Variants in TMEM59L observed in about 807,000 individuals in gnomAD.
The protein encoded by TMEM59L is transmembrane protein 59 like.
A neutral mutation model predicts 39.6 loss-of-function variants in TMEM59L; 31 were observed. That is an observed-to-expected ratio of 0.78 (90% CI 0.59 to 1.06). The LOEUF (loss-of-function observed/expected upper bound fraction) is 1.06. Among genes scored for constraint, TMEM59L ranks in the 50% least tolerant of loss-of-function variants. TMEM59L has a pLI of 0.00. For missense variants in TMEM59L, 441 were observed against 451.3 expected, an observed-to-expected ratio of 0.98 and a Z score of 0.21; for synonymous variants, 219 against 202.9, an observed-to-expected ratio of 1.08 and a Z score of -0.68.
chr19:18,620,649 A>C lies in TMEM59L; in HGVS notation c.*113A>C. 1 of 1,381,964 alleles carries C rather than the reference A, an allele frequency of 7.2e-7. No individual in the cohort carries two copies. Among genetic ancestry groups the C allele is most frequent in the Non-Finnish European group, 9.5e-7 (1 of 1,053,920 alleles). 85.6% of individuals were successfully genotyped at this position (1,381,964 alleles called of 1,614,324 possible). On this transcript the variant is annotated 3_prime_UTR_variant, in exon 8 of 8. Coordinates refer to ENST00000262817, the MANE Select transcript of TMEM59L (RefSeq NM_012109.3). ...CCAGCCTTGAGCCCCTCCACCCCCAAATCCTTCCTCTCCTCCCAGTCCCAC... is the reference window on the plus strand; with the variant it reads ...CCAGCCTTGAGCCCCTCCACCCCCACATCCTTCCTCTCCTCCCAGTCCCAC...
At chr19:18,617,988 C>T in intron 5 of TMEM59L, 167 bp from the exon 6 acceptor site, 1 of 675,662 alleles carries the variant, frequency 1.5e-6, no homozygotes, top group South Asian at 1.7e-5. Context: ...ATCCATCTCC[C>T]AGGGTTCCAT....
Position 18,618,690 on chromosome 19 carries a change from A to T in TMEM59L, c.900+198A>T, listed in dbSNP as rs867143194. 1.2e-3 allele frequency among the ~76,000 whole-genome samples: 118 copies of T among 100,550 alleles called. 2 individuals carry two copies. Among genetic ancestry groups the T allele is most frequent in the Admixed American group, 5.5e-3 (51 of 9,252 alleles). The allele number at this position is 100,550 out of a possible 152,430, so 66.0% of individuals were successfully genotyped here. On this transcript the variant is annotated intron_variant, in intron 7 of 7. Transcript: ENST00000262817. ...GTGTGTGTGTATATATATATATATAATATATATATATATATTTTTTTTGAG... is the reference window on the plus strand; with the variant it reads ...GTGTGTGTGTATATATATATATATATTATATATATATATATTTTTTTTGAG...
chr19:18,615,440 C>T (rs923979898), intron 3 of TMEM59L, among the ~76,000 whole-genome samples: 6 of 152,328 alleles, frequency 3.9e-5, no homozygotes, highest in East Asian at 3.9e-4. Context: ...AGGAAGAGAA[C>T]GATACCCATT....
intron 3 of TMEM59L, among the ~76,000 whole-genome samples, chr19:18,615,756 C>T (rs944988534): frequency 6.6e-6 from 1 of 152,124 alleles, no homozygotes; most frequent in Non-Finnish European, 1.5e-5. Flanking sequence ...TCCAGGCGTG[C>T]GCCATCATGC....
chr19:18,615,959 G>C lies in TMEM59L; in HGVS notation c.409-16G>C. On this transcript the variant is annotated splice_polypyrimidine_tract_variant and intron_variant, in intron 3 of 7. Coordinates refer to ENST00000262817, the MANE Select transcript of TMEM59L (RefSeq NM_012109.3). ...ATTTCGGTGCCATCTTTGTGTCTTG[G>C]ACCTTTTTTCACCAGAGAAAGGTCC... 4.3e-6 allele frequency: 7 copies of C among 1,611,982 alleles called. No individual in the cohort carries two copies. Among genetic ancestry groups the C allele is most frequent in the Non-Finnish European group, 5.9e-6 (7 of 1,178,712 alleles).
chr19:18,614,144 C>G lies in TMEM59L; in HGVS notation c.357C>G (p.Ala119=). 1.2e-6 allele frequency: 2 copies of G among 1,609,640 alleles called. No homozygotes were observed. Among genetic ancestry groups the G allele is most frequent in the East Asian group, 4.5e-5 (2 of 44,794 alleles). ...EAYVKEAEQQ[A]CSHGCWSQPA... ...ATGTGAAGGAGGCAGAGCAGCAGGC[C>G]TGTAGCCACGGCTGCTGGAGCCAGC... is the stretch of plus-strand genomic sequence containing the variant. The change falls in exon 3 of 8, where the codon GCC becomes GCG. Residue 119 remains alanine, a synonymous_variant. Transcript: ENST00000262817.
intron 3 of TMEM59L, among the ~76,000 whole-genome samples, chr19:18,615,678 G>A (rs2145348529): frequency 6.6e-6 from 1 of 152,274 alleles, no homozygotes; most frequent in Non-Finnish European, 1.5e-5. Flanking sequence ...TGTGATCTTG[G>A]CTCACTGCAA....
chr19:18,614,678 G>A (rs60941598), intron 3 of TMEM59L, among the ~76,000 whole-genome samples: 24,445 of 152,236 alleles, frequency 0.16, 2,795 homozygotes, highest in African/African-American at 0.33. Context: ...TGAGCTGGTG[G>A]TCACTGTCAC....
chr19:18,620,234 G>A (rs924759360), intron 7 of TMEM59L, among the ~76,000 whole-genome samples, 174 bp from the exon 8 acceptor site: 3 of 151,700 alleles, frequency 2.0e-5, no homozygotes, highest in East Asian at 1.9e-4. Flanking sequence ...CCTAGGAGGC[G>A]GAGGTTGCAG....
At chr19:18,617,904 T>G in intron 5 of TMEM59L, 1 of 548,810 alleles carries the variant, frequency 1.8e-6, no homozygotes, top group Non-Finnish European at 3.3e-6. Context: ...CTTTGGTCTA[T>G]CTCTCAGGGT....
At chr19:18,615,509 G>A (rs897483540) in intron 3 of TMEM59L, among the ~76,000 whole-genome samples, 4 of 152,212 alleles carry the variant, frequency 2.6e-5, no homozygotes, top group East Asian at 1.9e-4. Flanking sequence ...CAACTGCCAC[G>A]CTGAGATCTG....
intron 1 of TMEM59L, 60 bp from the exon 2 acceptor site, chr19:18,613,812 C>G: frequency 7.5e-7 from 1 of 1,338,078 alleles, no homozygotes; most frequent in South Asian, 1.2e-5. Flanking sequence ...ATGCTCCGGT[C>G]CCCCCACCCT....
intron 3 of TMEM59L, among the ~76,000 whole-genome samples, chr19:18,615,057 A>G (rs538942520): frequency 5.3e-5 from 8 of 152,232 alleles, no homozygotes; most frequent in African/African-American, 1.7e-4. Context: ...ATCTTGGCTC[A>G]CTGCAGCCTC....
chr19:18,618,201 C>G lies in TMEM59L; in HGVS notation c.711C>G (p.Val237=). The G allele has an allele frequency of 6.2e-7, 1 of 1,611,702 alleles. No individual in the cohort carries two copies. The highest frequency in any genetic ancestry group is 8.5e-7 in the Non-Finnish European group (1 of 1,179,868). ...AGGTGAGGAAGGCCAAGATCCGAGT[C>G]AAGACCAGCAGCAAGGCCAAGGTGG... ...LDKVRKAKIR[V]KTSSKAKVES... is the part of the protein sequence containing the mutation. The change falls in exon 6 of 8, where the codon GTC becomes GTG. Residue 237 remains valine (V), a synonymous_variant. Transcript: ENST00000262817.
chr19:18,616,084 C>T lies in TMEM59L; in HGVS notation c.518C>T (p.Thr173Ile), dbSNP rs747509802. The T allele has an allele frequency of 3.1e-6, 5 of 1,614,056 alleles. No individual in the cohort carries two copies. The African/African-American group carries it at 4.0e-5, about 13-fold the overall frequency. ...SAQGFVSSTWTYYLQTDNGKV... is the reference protein window; with the variant it reads ...SAQGFVSSTWIYYLQTDNGKV... The stretch of plus-strand genomic sequence containing the variant: ...CAGGGATTTGTCTCCTCCACCTGGA[C>T]ATACTACTTGCAGACTGACAATGGG... Residue 173 changes from threonine (T) to isoleucine (I), a missense_variant, in exon 4 of 8, where the codon ACA (threonine) becomes ATA (isoleucine). By Grantham distance (89) the Thr-to-Ile change is moderately conservative. Coordinates refer to ENST00000262817, the MANE Select transcript of TMEM59L (RefSeq NM_012109.3).
At chr19:18,617,599 G>T (rs1487432542) in intron 5 of TMEM59L, 2 of 455,988 alleles carry the variant, frequency 4.4e-6, no homozygotes, top group Non-Finnish European at 8.8e-6. Context: ...CATCTCCTAG[G>T]GTCCATCTCC....
intron 7 of TMEM59L, among the ~76,000 whole-genome samples, chr19:18,619,973 T>TCACACACACACA (rs57681167): frequency 2.6e-4 from 30 of 116,920 alleles, no homozygotes; most frequent in Admixed American, 8.0e-4. Flanking sequence ...GAAGACCCCA[T>TCACACACACACA]CACACACACA....
chr19:18,618,057 C>T (rs568859332), intron 5 of TMEM59L, 98 bp from the exon 6 acceptor site: 1 of 866,974 alleles, frequency 1.2e-6, no homozygotes, highest in African/African-American at 1.7e-5. Context: ...CATTCCAGGA[C>T]TCTATGCCCC....
intron 3 of TMEM59L, among the ~76,000 whole-genome samples, chr19:18,615,508 C>T (rs1174483231): frequency 6.6e-6 from 1 of 152,244 alleles, no homozygotes; most frequent in Non-Finnish European, 1.5e-5. Flanking sequence ...CCAACTGCCA[C>T]GCTGAGATCT....
Sources: allele counts gnomAD v4.1 joint callset (sites outside exome capture counted in the v4.1 genomes callset), GRCh38; gene constraint gnomAD v4.1.1; transcripts MANE v1.5; gene names NCBI Gene and HGNC (gene_info 2026-07-23, HGNC 2026-07-21).